Variants in IL17B observed in about 807,000 individuals in gnomAD.
The protein encoded by IL17B is interleukin-17B.
Under a neutral mutation model 14.7 loss-of-function variants are expected in IL17B, and 14 were observed. The observed-to-expected ratio is 0.95, with a 90% CI of 0.63 to 1.49. The LOEUF (loss-of-function observed/expected upper bound fraction) is 1.49, where lower values mean the gene tolerates loss of function less well. Among genes scored for constraint, IL17B ranks in the 40% most tolerant of loss-of-function variants. The pLI, the probability that IL17B is intolerant of heterozygous loss-of-function variation, is 0.00. For missense variants in IL17B, 233 were observed against 252.8 expected, an observed-to-expected ratio of 0.92 and a Z score of 0.53; for synonymous variants, 105 against 94.8, an observed-to-expected ratio of 1.11 and a Z score of -0.62.
At position 149,385,440 on chromosome 5, in the gene IL17B, G is replaced by A. The variant is rs748966994; in HGVS notation, n.96-8415C>T. ...ATTACAGGCGTGAGCCACCGTACGC[G>A]GCCAGTTTTTGAGCTTTTAAAGTTC... is the stretch of plus-strand genomic sequence containing the variant. On this transcript the variant is annotated intron_variant and non_coding_transcript_variant, in intron 1 of 2. Transcript: ENST00000505432. Among the ~76,000 whole-genome samples, 7 of 152,314 alleles carry A rather than the reference G, an allele frequency of 4.6e-5. No individual in the cohort carries two copies. In the Middle Eastern group the frequency reaches 0.01, roughly 222 times the overall value.
intron 1 of IL17B, among the ~76,000 whole-genome samples, chr5:149,385,807 C>G (rs1465298649): frequency 2.0e-5 from 3 of 152,234 alleles, no homozygotes; most frequent in Non-Finnish European, 4.4e-5. Flanking sequence ...AGGCCCCAAC[C>G]CTGCCCTCAG....
At chr5:149,401,919 A>C (rs1405230580) in intron 1 of IL17B, among the ~76,000 whole-genome samples, 1 of 152,190 alleles carries the variant, frequency 6.6e-6, no homozygotes, top group African/African-American at 2.4e-5. Context: ...GTTCTTTCAC[A>C]CATCGAACGG....
intron 1 of IL17B, among the ~76,000 whole-genome samples, chr5:149,390,823 T>C (rs937545277): frequency 6.6e-6 from 1 of 151,972 alleles, no homozygotes; most frequent in Non-Finnish European, 1.5e-5. Flanking sequence ...AATAGCTCTT[T>C]ATAGAATTTA....
intron 1 of IL17B, among the ~76,000 whole-genome samples, chr5:149,398,144 G>T (rs1759129192): frequency 6.6e-6 from 1 of 152,160 alleles, no homozygotes; most frequent in Non-Finnish European, 1.5e-5. Context: ...TTGGCACCAA[G>T]ACACATCTCC....
chr5:149,400,559 C>T (rs1406356702), intron 1 of IL17B, among the ~76,000 whole-genome samples: 1 of 152,224 alleles, frequency 6.6e-6, no homozygotes, highest in African/African-American at 2.4e-5. Context: ...CTGGACACAG[C>T]TGCAGCAGTG....
Position 149,393,848 on chromosome 5 carries a change from G to A in IL17B, n.95+10260C>T, listed in dbSNP as rs917978711. Among the ~76,000 whole-genome samples the A allele has an allele frequency of 7.9e-5, 12 of 152,262 alleles. No homozygotes were observed. The South Asian group carries it at 1.2e-3, about 16-fold the overall frequency. On this transcript the variant is annotated intron_variant and non_coding_transcript_variant, in intron 1 of 2. Coordinates refer to the IL17B transcript ENST00000505432. ...TTTTATTTTGAAGCCACTAAGAGTT[G>A]AGTTTCCATTCTTCTCTGAAAAAGA...
chr5:149,378,004 T>C (rs2227448), intron 1 of IL17B, among the ~76,000 whole-genome samples: 109 of 151,488 alleles, frequency 7.2e-4, no homozygotes, highest in African/African-American at 2.5e-3. Flanking sequence ...ATTAGCCGGG[T>C]GTGGTGGCGG....
At chr5:149,403,763 TC>T (rs1434560984) in intron 1 of IL17B, among the ~76,000 whole-genome samples, 1 of 152,154 alleles carries the variant, frequency 6.6e-6, no homozygotes, top group Admixed American at 6.5e-5. Flanking sequence ...CTGCTTGCAT[TC>T]CCTTAATAAC....
At chr5:149,379,399 G>A (rs1758628829), upstream of IL17B, 2 of 727,008 alleles carry the variant, frequency 2.8e-6, no homozygotes, top group African/African-American at 1.8e-5. Flanking sequence ...CCAGCTGGCT[G>A]AGCCTAGCGC....
chr5:149,374,802 G>A lies in IL17B; in HGVS notation c.312-202C>T. On this transcript the variant is annotated intron_variant, in intron 2 of 2. Transcript: ENST00000261796. This position sits in a 1 kb window ranked among gnomAD's most constrained non-coding sequence, Gnocchi z 5.0. ...ATGGAAGGCAAGTCGAGAGCCCCAA[G>A]GTTATCCAGCTTCAAGGTCACCAGT... 2 of 544,440 alleles carry A rather than the reference G, an allele frequency of 3.7e-6. No homozygotes were observed. Among genetic ancestry groups the A allele is most frequent in the Non-Finnish European group, 6.5e-6 (2 of 305,822 alleles). 33.7% of individuals were successfully genotyped at this position (544,440 alleles called of 1,614,324 possible). A position where few individuals can be genotyped will look rare whatever the true frequency, so the allele number is the denominator to read the frequency against.
intron 1 of IL17B, among the ~76,000 whole-genome samples, chr5:149,396,755 C>G (rs920433044): frequency 6.6e-6 from 1 of 151,950 alleles, no homozygotes; most frequent in Non-Finnish European, 1.5e-5. Flanking sequence ...AGAGTGAAAC[C>G]CTGACTCAAA....
chr5:149,383,081 A>T (rs1165847289), upstream of IL17B, among the ~76,000 whole-genome samples: 1 of 152,134 alleles, frequency 6.6e-6, no homozygotes, highest in Admixed American at 6.5e-5. Flanking sequence ...GGGAATGTTA[A>T]TTGACTTCTC....
chr5:149,385,636 C>T (rs1015185892), intron 1 of IL17B, among the ~76,000 whole-genome samples: 1 of 152,232 alleles, frequency 6.6e-6, no homozygotes, highest in African/African-American at 2.4e-5. Context: ...GCGCCAGGCC[C>T]CCTGCCCACT....
At chr5:149,400,183 G>A (rs1759178837) in intron 1 of IL17B, among the ~76,000 whole-genome samples, 1 of 152,094 alleles carries the variant, frequency 6.6e-6, no homozygotes, top group Non-Finnish European at 1.5e-5. Context: ...CTGGATTAGG[G>A]TGGGCCCCTA....
At chr5:149,379,181 G>A (rs1467291153) in intron 1 of IL17B, 24 bp downstream of exon 1, 9 of 1,613,854 alleles carry the variant, frequency 5.6e-6, no homozygotes, top group Non-Finnish European at 7.6e-6. Flanking sequence ...AGGGGTGGGG[G>A]TGCGGCAGGG....
chr5:149,379,229 G>A lies in IL17B; in HGVS notation c.-4C>T, dbSNP rs193133674. 31 of 1,613,894 alleles carry A rather than the reference G, an allele frequency of 1.9e-5. No individual in the cohort carries two copies. Among genetic ancestry groups the A allele is most frequent in the East Asian group, 1.8e-4 (8 of 44,882 alleles). On this transcript the variant is annotated 5_prime_UTR_variant, in exon 1 of 3. Coordinates refer to ENST00000261796, the MANE Select transcript of IL17B (RefSeq NM_014443.3). ...CCAGGTTGTGAGGCCAGTCCATTCC[G>A]CCAAGCTGCAAGGTCAGCCTGCAGC...
chr5:149,403,382 A>G (rs1759253975), intron 1 of IL17B, among the ~76,000 whole-genome samples: 1 of 152,132 alleles, frequency 6.6e-6, no homozygotes, highest in Non-Finnish European at 1.5e-5. Flanking sequence ...CACCACGCCT[A>G]GCCATGTGGG....
intron 1 of IL17B, among the ~76,000 whole-genome samples, chr5:149,386,685 C>G (rs890952503): frequency 6.6e-6 from 1 of 152,152 alleles, no homozygotes; most frequent in Non-Finnish European, 1.5e-5. Flanking sequence ...ATATTGAACA[C>G]CTACTATGTG....
chr5:149,403,315 G>C (rs1017804654), intron 1 of IL17B, among the ~76,000 whole-genome samples: 1 of 151,970 alleles, frequency 6.6e-6, no homozygotes, highest in Non-Finnish European at 1.5e-5. Flanking sequence ...CAAACTCCTG[G>C]GCTCAAGAGA....
Sources: gnomAD v4.1 joint callset for allele counts (sites outside exome capture counted in the v4.1 genomes callset) on GRCh38, gnomAD v4.1.1 for gene constraint, Gnocchi (gnomAD v3.1) non-coding constraint, MANE v1.5 for transcripts, NCBI Gene and HGNC (gene_info 2026-07-23, HGNC 2026-07-21) for gene names.